The following ROBO1 variants were observed in gnomAD, a reference collection of about 807,000 sequenced individuals.
ROBO1 encodes roundabout guidance receptor 1, also known as roundabout homolog 1.
Under a neutral mutation model 195.9 loss-of-function variants are expected in ROBO1, and 149 were observed. That is an observed-to-expected ratio of 0.76 (90% CI 0.67 to 0.87). ROBO1 has a LOEUF of 0.87. Among genes scored for constraint, ROBO1 ranks in the 40% least tolerant of loss-of-function variants. The pLI, the probability that ROBO1 is intolerant of heterozygous loss-of-function variation, is 0.00. For synonymous variants in ROBO1, 816 were observed against 733.2 expected, an observed-to-expected ratio of 1.11 and a Z score of -1.82; for missense variants, 1,933 against 2,068.3, an observed-to-expected ratio of 0.93 and a Z score of 1.27.
intron 1 of ROBO1, among the ~76,000 whole-genome samples, chr3:79,643,297 T>C (rs991680641): frequency 7.2e-5 from 11 of 152,122 alleles, no homozygotes; most frequent in African/African-American, 2.7e-4. Flanking sequence ...TTCCCTACTT[T>C]TGAGGTTTTG....
intron 4 of ROBO1, among the ~76,000 whole-genome samples, chr3:78,916,557 G>GAAAA (rs969858186): frequency 1.3e-5 from 1 of 74,158 alleles, no homozygotes; most frequent in African/African-American, 4.1e-5. Context: ...GTCTCAAAAA[G>GAAAA]AAAAAAAAAA....
rs1255696003 is a variant in ROBO1 at position 79,656,493 on chromosome 3, G to C, written c.-50-66532C>G. Among the ~76,000 whole-genome samples, 4 of 152,076 alleles carry C rather than the reference G, an allele frequency of 2.6e-5. No individual in the cohort carries two copies. In the East Asian group the frequency reaches 7.8e-4, roughly 29 times the overall value. On this transcript the variant is annotated intron_variant, in intron 1 of 30. Transcript: ENST00000464233. ...AATAATAGTATACTTTATTGAATGAGACATTTTATTTTATTTATTTTTGTC... is the reference window on the plus strand; with the variant it reads ...AATAATAGTATACTTTATTGAATGACACATTTTATTTTATTTATTTTTGTC...
At chr3:79,599,014 C>T (rs1222730828) in intron 1 of ROBO1, among the ~76,000 whole-genome samples, 1 of 152,082 alleles carries the variant, frequency 6.6e-6, no homozygotes, top group African/African-American at 2.4e-5. Context: ...CTTCACTCCC[C>T]TGCCACCTCC....
chr3:79,698,306 T>C (rs1947505665), intron 1 of ROBO1, among the ~76,000 whole-genome samples: 1 of 151,492 alleles, frequency 6.6e-6, no homozygotes, highest in Admixed American at 6.6e-5. Context: ...AAATCATAAC[T>C]ATTAATTTTA....
chr3:79,482,348 G>C (rs957415748), intron 2 of ROBO1, among the ~76,000 whole-genome samples: 3 of 152,130 alleles, frequency 2.0e-5, no homozygotes, highest in African/African-American at 4.8e-5. Flanking sequence ...TGTCTTGTGG[G>C]AGGGATCTGG....
At chr3:78,827,128 T>C (rs2031688316) in intron 4 of ROBO1, among the ~76,000 whole-genome samples, 2 of 152,182 alleles carry the variant, frequency 1.3e-5, no homozygotes, top group South Asian at 4.1e-4. Flanking sequence ...TTCAATTGAA[T>C]ATAGAATACT....
intron 2 of ROBO1, among the ~76,000 whole-genome samples, chr3:79,536,457 G>A (rs1329090529): frequency 6.6e-6 from 1 of 152,052 alleles, no homozygotes; most frequent in Non-Finnish European, 1.5e-5. Context: ...ATTTCTTCAA[G>A]AAAATAAATT....
intron 3 of ROBO1, among the ~76,000 whole-genome samples, chr3:79,057,363 T>G (rs1255529413): frequency 6.6e-6 from 1 of 152,066 alleles, no homozygotes; most frequent in Non-Finnish European, 1.5e-5. Context: ...CAATCCCCTG[T>G]CTGGGTGCCC....
At chr3:78,683,567 C>T (rs1239432465) in intron 10 of ROBO1, among the ~76,000 whole-genome samples, 2 of 151,914 alleles carry the variant, frequency 1.3e-5, no homozygotes, top group Admixed American at 6.6e-5. Context: ...TAGCTCATAC[C>T]TATAATCCTA....
chr3:79,574,111 C>T (rs994594656), intron 2 of ROBO1, among the ~76,000 whole-genome samples: 16 of 151,972 alleles, frequency 1.1e-4, no homozygotes, highest in East Asian at 1.9e-4. Context: ...TGAAGCAGGT[C>T]GCTTATAAGT....
chr3:78,703,421 G>T (rs1300330790), intron 8 of ROBO1, among the ~76,000 whole-genome samples: 1 of 152,124 alleles, frequency 6.6e-6, no homozygotes, highest in East Asian at 1.9e-4. Context: ...CATTTTACTT[G>T]CAGCCTGCTC....
At chr3:79,592,702 G>T (rs1385055078) in intron 1 of ROBO1, among the ~76,000 whole-genome samples, 1 of 151,936 alleles carries the variant, frequency 6.6e-6, no homozygotes, top group Non-Finnish European at 1.5e-5. Flanking sequence ...CCACCAGAAT[G>T]ATGCATTTGT....
intron 2 of ROBO1, among the ~76,000 whole-genome samples, chr3:79,386,982 G>A (rs867889510): frequency 7.9e-5 from 12 of 152,112 alleles, no homozygotes; most frequent in Non-Finnish European, 1.8e-4. Context: ...ATGTCAGAAT[G>A]GTGACTTGTC....
chr3:79,217,349 T>C (rs1409233699), intron 2 of ROBO1, among the ~76,000 whole-genome samples: 1 of 152,072 alleles, frequency 6.6e-6, no homozygotes, highest in Non-Finnish European at 1.5e-5. Flanking sequence ...TATGCCTTTA[T>C]TGTAAGACAG....
intron 2 of ROBO1, among the ~76,000 whole-genome samples, chr3:79,267,864 C>T (rs2030129880): frequency 6.6e-6 from 1 of 151,318 alleles, no homozygotes; most frequent in Admixed American, 6.6e-5. Flanking sequence ...TTGTATGTTT[C>T]TTATTGGGCA....
At chr3:79,213,810 C>T (rs970438463) in intron 2 of ROBO1, among the ~76,000 whole-genome samples, 4 of 141,240 alleles carry the variant, frequency 2.8e-5, no homozygotes, top group Non-Finnish European at 6.0e-5. Context: ...AATAACTCTC[C>T]CCTTTCTTTT....
intron 5 of ROBO1, among the ~76,000 whole-genome samples, chr3:78,740,396 AT>A (rs1407683808): frequency 6.6e-6 from 1 of 151,388 alleles, no homozygotes; most frequent in East Asian, 1.9e-4. Flanking sequence ...AATTTAAATA[AT>A]TTTTATTTAA....
intron 1 of ROBO1, among the ~76,000 whole-genome samples, chr3:79,729,387 A>G (rs1703054274): frequency 6.6e-6 from 1 of 152,232 alleles, no homozygotes; most frequent in Non-Finnish European, 1.5e-5. Context: ...ACAGAAATTC[A>G]TATAAAGCTA....
At chr3:79,462,664 T>C (rs1559916940) in intron 2 of ROBO1, among the ~76,000 whole-genome samples, 1 of 152,160 alleles carries the variant, frequency 6.6e-6, no homozygotes, top group Non-Finnish European at 1.5e-5. Context: ...TTCAAACAAA[T>C]CTCCTTCAGT....
Sources: allele counts gnomAD v4.1 joint callset (sites outside exome capture counted in the v4.1 genomes callset), GRCh38; gene constraint gnomAD v4.1.1; transcripts MANE v1.5; gene names NCBI Gene and HGNC (gene_info 2026-07-23, HGNC 2026-07-21).